CDH12: variants seen among roughly 807,000 people sequenced by gnomAD.
The protein encoded by CDH12 is cadherin 12, also known as cadherin-12.
Under a neutral mutation model 74.1 loss-of-function variants are expected in CDH12, and 41 were observed. The observed-to-expected ratio is 0.55, with a 90% CI of 0.43 to 0.72. CDH12 has a LOEUF of 0.72. Ranked by LOEUF, CDH12 falls within the 30% of genes least tolerant of loss-of-function variation. The pLI is 0.00. For synonymous variants in CDH12, 399 were observed against 355.0 expected, an observed-to-expected ratio of 1.12 and a Z score of -1.39; for missense variants, 945 against 977.2, an observed-to-expected ratio of 0.97 and a Z score of 0.44.
At chr5:22,280,826 C>T (rs1405435720) in intron 3 of CDH12, among the ~76,000 whole-genome samples, 1 of 152,184 alleles carries the variant, frequency 6.6e-6, no homozygotes, top group Non-Finnish European at 1.5e-5. Flanking sequence ...CCTTCTGAGA[C>T]TATTCCAATC....
intron 11 of CDH12, among the ~76,000 whole-genome samples, chr5:21,765,736 G>A (rs915211169): frequency 6.6e-6 from 1 of 152,068 alleles, no homozygotes; most frequent in Non-Finnish European, 1.5e-5. Context: ...CAGAAAGACT[G>A]TCAGTTTGAC....
chr5:22,046,219 T>C (rs952771450), intron 5 of CDH12, among the ~76,000 whole-genome samples: 2 of 152,128 alleles, frequency 1.3e-5, no homozygotes, highest in African/African-American at 2.4e-5. Flanking sequence ...ACTGACAAGA[T>C]TTAGAACTAA....
chr5:22,664,191 GC>G (rs1438161115), intron 1 of CDH12, among the ~76,000 whole-genome samples: 1 of 152,070 alleles, frequency 6.6e-6, no homozygotes, highest in African/African-American at 2.4e-5. Context: ...TAAACAAGAA[GC>G]AATTATTAAT....
chr5:21,780,167 C>G (rs1183175988), intron 11 of CDH12, among the ~76,000 whole-genome samples: 1 of 152,180 alleles, frequency 6.6e-6, no homozygotes, highest in East Asian at 1.9e-4. Flanking sequence ...CCTCCATACC[C>G]TGTGGATTCC....
At chr5:21,892,980 G>A (rs1752961151) in intron 6 of CDH12, among the ~76,000 whole-genome samples, 1 of 152,114 alleles carries the variant, frequency 6.6e-6, no homozygotes, top group South Asian at 2.1e-4. Context: ...ACAACTAACT[G>A]GTCTTGCTCT....
At chr5:22,514,727 A>G (rs1043554080) in intron 1 of CDH12, among the ~76,000 whole-genome samples, 1 of 152,202 alleles carries the variant, frequency 6.6e-6, no homozygotes, top group African/African-American at 2.4e-5. Context: ...AGTGCCTTCC[A>G]GATGAACATA....
At chr5:22,723,444 G>A (rs998796497) in intron 1 of CDH12, among the ~76,000 whole-genome samples, 3 of 152,022 alleles carry the variant, frequency 2.0e-5, no homozygotes, top group Non-Finnish European at 2.9e-5. Flanking sequence ...ATTAAATTTT[G>A]GCTTGATAGT....
chr5:21,974,649 G>T (rs1489986549), intron 6 of CDH12, among the ~76,000 whole-genome samples: 1 of 152,118 alleles, frequency 6.6e-6, no homozygotes, highest in Non-Finnish European at 1.5e-5. Context: ...AGCTACAAAA[G>T]ATGCATCACA....
At chr5:22,839,352 C>CTTTTT (rs1293903338) in intron 1 of CDH12, among the ~76,000 whole-genome samples, 20 of 120,234 alleles carry the variant, frequency 1.7e-4, no homozygotes, top group Non-Finnish European at 2.4e-4. Context: ...AATTACTTGT[C>CTTTTT]TTTTTTTTTT....
chr5:21,757,811 C>T (rs16888473), intron 13 of CDH12, among the ~76,000 whole-genome samples: 5,302 of 152,172 alleles, frequency 0.035, 113 homozygotes, highest in Middle Eastern at 0.071. Context: ...AAGCCTAAGA[C>T]CTGGAAATCT....
At chr5:22,766,288 G>A (rs1269782201) in intron 1 of CDH12, among the ~76,000 whole-genome samples, 3 of 152,000 alleles carry the variant, frequency 2.0e-5, no homozygotes, top group Admixed American at 1.3e-4. Flanking sequence ...TTGCACAGGT[G>A]CACAAAGACA....
intron 1 of CDH12, among the ~76,000 whole-genome samples, chr5:22,654,370 A>C (rs1739913132): frequency 6.6e-6 from 1 of 151,514 alleles, no homozygotes; most frequent in African/African-American, 2.4e-5. Context: ...GCTCACTGCA[A>C]CCTCTGACTC....
At chr5:22,520,661 G>A (rs544250112) in intron 1 of CDH12, among the ~76,000 whole-genome samples, 1 of 152,102 alleles carries the variant, frequency 6.6e-6, no homozygotes, top group Non-Finnish European at 1.5e-5. Flanking sequence ...TAAGTCTGTA[G>A]CTAATGATGT....
intron 14 of CDH12, among the ~76,000 whole-genome samples, chr5:21,752,749 G>A (rs1185076699): frequency 2.0e-5 from 3 of 151,534 alleles, no homozygotes; most frequent in African/African-American, 7.3e-5. Flanking sequence ...AGTAGAGGAA[G>A]GAAGGAAGAA....
At chr5:21,924,576 A>G (rs1390165487) in intron 6 of CDH12, among the ~76,000 whole-genome samples, 1 of 152,124 alleles carries the variant, frequency 6.6e-6, no homozygotes, top group Non-Finnish European at 1.5e-5. Context: ...CTAGCTTTGC[A>G]CTTATCTTCA....
chr5:22,509,182 A>C (rs1736506315), intron 1 of CDH12, among the ~76,000 whole-genome samples: 2 of 152,210 alleles, frequency 1.3e-5, no homozygotes, highest in South Asian at 4.1e-4. Flanking sequence ...TAACTTGCTT[A>C]GAGAGATGGA....
chr5:22,449,542 G>A (rs1013949615), intron 2 of CDH12, among the ~76,000 whole-genome samples: 1 of 151,952 alleles, frequency 6.6e-6, no homozygotes, highest in Admixed American at 6.6e-5. Context: ...ATTTTACAGA[G>A]TGTTTCTTCC....
intron 1 of CDH12, among the ~76,000 whole-genome samples, chr5:22,644,248 C>A (rs1739318410): frequency 6.6e-6 from 1 of 152,008 alleles, no homozygotes; most frequent in Non-Finnish European, 1.5e-5. Flanking sequence ...TCTGCTAGGA[C>A]CCTCGCAATA....
intron 5 of CDH12, among the ~76,000 whole-genome samples, chr5:21,981,957 A>G (rs1017481779): frequency 5.3e-5 from 8 of 152,122 alleles, no homozygotes; most frequent in Admixed American, 2.6e-4. Context: ...TACAGGTGTG[A>G]GACACCCTGT....
Sources: gnomAD v4.1 joint callset for allele counts (sites outside exome capture counted in the v4.1 genomes callset) on GRCh38, gnomAD v4.1.1 for gene constraint, MANE v1.5 for transcripts, NCBI Gene and HGNC (gene_info 2026-07-23, HGNC 2026-07-21) for gene names.